SUGCT: variants seen among roughly 807,000 people sequenced by gnomAD.
The protein encoded by SUGCT is succinyl-CoA:glutarate CoA-transferase.
In SUGCT, 41 loss-of-function variants were observed where a neutral mutation model predicts 55.0. The observed-to-expected ratio is 0.74, with a 90% CI of 0.58 to 0.97. The LOEUF (loss-of-function observed/expected upper bound fraction) is 0.97, where lower values mean the gene tolerates loss of function less well. Ranked by LOEUF, SUGCT falls within the 50% of genes least tolerant of loss-of-function variation. The pLI is 0.00. For missense variants in SUGCT, 568 were observed against 547.8 expected (o/e 1.04, Z -0.37); for synonymous variants, 187 against 200.4 (o/e 0.93, Z 0.56).
intron 12 of SUGCT, among the ~76,000 whole-genome samples, chr7:40,532,355 A>C (rs1794144470): frequency 6.6e-6 from 1 of 152,180 alleles, no homozygotes; most frequent in Non-Finnish European, 1.5e-5. Flanking sequence ...AAAATTTATT[A>C]ATGTGGGGTT....
chr7:40,517,218 C>T (rs1203213077), intron 12 of SUGCT, among the ~76,000 whole-genome samples: 4 of 146,416 alleles, frequency 2.7e-5, no homozygotes, highest in Non-Finnish European at 5.9e-5. Flanking sequence ...CTTATTAGTT[C>T]CAGTAGCATT....
intron 8 of SUGCT, among the ~76,000 whole-genome samples, chr7:40,277,569 T>A (rs1792602187): frequency 6.6e-6 from 1 of 152,098 alleles, no homozygotes; most frequent in Non-Finnish European, 1.5e-5. Context: ...GCAAAGAATA[T>A]GTCTCTTCAT....
chr7:40,810,357 T>C (rs1390192409), intron 13 of SUGCT, among the ~76,000 whole-genome samples: 1 of 152,206 alleles, frequency 6.6e-6, no homozygotes, highest in Non-Finnish European at 1.5e-5. Flanking sequence ...CTTTCCACAG[T>C]GGCTGAACTA....
intron 12 of SUGCT, among the ~76,000 whole-genome samples, chr7:40,676,149 G>A (rs892856127): frequency 6.6e-6 from 1 of 152,150 alleles, no homozygotes; most frequent in Non-Finnish European, 1.5e-5. Context: ...ACAGTGCTAG[G>A]CTTACTTTGT....
chr7:40,924,700 A>G, the SUGCT span, among the ~76,000 whole-genome samples: 12 of 147,998 alleles, frequency 8.1e-5, no homozygotes, highest in African/African-American at 2.4e-4. Context: ...ATGGAGGACT[A>G]TCTCTGGGGC....
At chr7:40,398,644 A>T (rs766021024) in intron 9 of SUGCT, among the ~76,000 whole-genome samples, 1 of 151,844 alleles carries the variant, frequency 6.6e-6, no homozygotes, top group Non-Finnish European at 1.5e-5. Context: ...GTAGCTGAAG[A>T]CTTGGCAAAG....
Position 40,177,477 on chromosome 7 carries a change from A to G in SUGCT, c.101-3470A>G, listed in dbSNP as rs1784984839. 2.0e-5 allele frequency among the ~76,000 whole-genome samples: 3 copies of G among 152,172 alleles called. No individual in the cohort carries two copies. In the South Asian group the frequency reaches 6.2e-4, roughly 31 times the overall value. ...ATTTCACAAATCATTTTTCCTTGCTAAATTAAACTGTTAAATTACGTTTGT... is the reference window on the plus strand; with the variant it reads ...ATTTCACAAATCATTTTTCCTTGCTGAATTAAACTGTTAAATTACGTTTGT... On this transcript the variant is annotated intron_variant, in intron 1 of 13. Coordinates refer to ENST00000335693, the MANE Select transcript of SUGCT (RefSeq NM_001193313.2).
chr7:40,994,287 G>A, the SUGCT span, among the ~76,000 whole-genome samples: 95 of 152,232 alleles, frequency 6.2e-4, no homozygotes, highest in East Asian at 0.018. Flanking sequence ...GCAAAAGGAT[G>A]GAGTTCAGTT....
chr7:40,927,036 A>G, the SUGCT span, among the ~76,000 whole-genome samples: 4 of 152,296 alleles, frequency 2.6e-5, no homozygotes, highest in South Asian at 8.3e-4. Flanking sequence ...CATGTTCAAA[A>G]TCTCAATATG....
At chr7:40,572,427 T>G (rs140090496) in intron 12 of SUGCT, among the ~76,000 whole-genome samples, 3,387 of 152,184 alleles carry the variant, frequency 0.022, 71 homozygotes, top group Admixed American at 0.065. Flanking sequence ...TCATTGGTGG[T>G]CAGAGCTTTC....
intron 9 of SUGCT, among the ~76,000 whole-genome samples, chr7:40,347,286 T>C (rs963173921): frequency 6.6e-6 from 1 of 152,182 alleles, no homozygotes; most frequent in African/African-American, 2.4e-5. Context: ...TAAAATCCAT[T>C]GTGGTGAGGC....
chr7:40,192,129 A>AC (rs1785950670), intron 5 of SUGCT, among the ~76,000 whole-genome samples: 1 of 150,766 alleles, frequency 6.6e-6, no homozygotes, highest in African/African-American at 2.4e-5. Flanking sequence ...AAAAAAAAAA[A>AC]GGATTAGCAA....
intron 9 of SUGCT, among the ~76,000 whole-genome samples, chr7:40,385,081 A>G (rs1176788373): frequency 6.6e-6 from 1 of 152,232 alleles, no homozygotes; most frequent in East Asian, 1.9e-4. Context: ...GTCAATGATC[A>G]TAACATTCTA....
chr7:40,884,633 G>A, the SUGCT span, among the ~76,000 whole-genome samples: 1 of 152,178 alleles, frequency 6.6e-6, no homozygotes, highest in African/African-American at 2.4e-5. Context: ...ATGACCTGCT[G>A]AGAAGGCAAG....
At chr7:40,224,583 G>A (rs1788223481) in intron 6 of SUGCT, among the ~76,000 whole-genome samples, 1 of 152,102 alleles carries the variant, frequency 6.6e-6, no homozygotes, top group East Asian at 1.9e-4. Flanking sequence ...AACAGTGTAT[G>A]TTGTAGGCAA....
At chr7:40,267,333 T>G (rs1363297106) in intron 7 of SUGCT, among the ~76,000 whole-genome samples, 3 of 152,282 alleles carry the variant, frequency 2.0e-5, no homozygotes, top group Middle Eastern at 3.4e-3. Flanking sequence ...CGTTTCTGAG[T>G]GACCATGAAC....
At chr7:40,995,274 T>C in the SUGCT span, among the ~76,000 whole-genome samples, 4 of 152,178 alleles carry the variant, frequency 2.6e-5, no homozygotes, top group East Asian at 7.7e-4. Flanking sequence ...TTGGTGTCTC[T>C]TTCTCCAACA....
intron 13 of SUGCT, among the ~76,000 whole-genome samples, chr7:40,785,634 G>A (rs914378673): frequency 7.9e-5 from 12 of 151,900 alleles, no homozygotes; most frequent in African/African-American, 1.2e-4. Flanking sequence ...TGCAGCACAC[G>A]GTTCCATTTT....
chr7:40,501,930 T>C (rs1382636131), intron 12 of SUGCT, among the ~76,000 whole-genome samples: 1 of 152,094 alleles, frequency 6.6e-6, no homozygotes, highest in East Asian at 1.9e-4. Flanking sequence ...AAATTTAAAA[T>C]GTCTTAAGCA....
Sources: allele counts gnomAD v4.1 joint callset (sites outside exome capture counted in the v4.1 genomes callset), GRCh38; gene constraint gnomAD v4.1.1; transcripts MANE v1.5; gene names NCBI Gene and HGNC (gene_info 2026-07-23, HGNC 2026-07-21).